Variants in GALNT14 observed in about 807,000 individuals in gnomAD.
GALNT14 encodes the protein UDP-GalNAc:polypeptide N-acetylgalactosaminyltransferase 14.
Under a neutral mutation model 77.5 loss-of-function variants are expected in GALNT14, and 60 were observed. That is an observed-to-expected ratio of 0.77 (90% CI 0.63 to 0.96). The LOEUF (loss-of-function observed/expected upper bound fraction) is 0.96. GALNT14 is among the 40% of genes least tolerant of loss of function. GALNT14 has a pLI of 0.00. For synonymous variants in GALNT14, 280 were observed against 281.7 expected (o/e 0.99, Z 0.06); for missense variants, 710 against 731.0 (o/e 0.97, Z 0.33).
intron 1 of GALNT14, among the ~76,000 whole-genome samples, chr2:31,013,540 A>T (rs553232729): frequency 1.3e-5 from 2 of 152,140 alleles, no homozygotes; most frequent in South Asian, 4.1e-4. Context: ...GCTGAGTCCA[A>T]ATGTGACCAG....
At chr2:30,933,264 C>T (rs1665851816) in intron 9 of GALNT14, among the ~76,000 whole-genome samples, 2 of 152,178 alleles carry the variant, frequency 1.3e-5, no homozygotes, top group Admixed American at 1.3e-4. Context: ...CCCACTGGGC[C>T]TGTCACTGGT....
intron 9 of GALNT14, among the ~76,000 whole-genome samples, chr2:30,940,076 G>T (rs1165619366): frequency 6.6e-6 from 1 of 152,014 alleles, no homozygotes; most frequent in Non-Finnish European, 1.5e-5. Flanking sequence ...TGTTGGGGTG[G>T]GATAAAATGA....
At chr2:31,009,582 G>C (rs1306374340) in intron 1 of GALNT14, among the ~76,000 whole-genome samples, 2 of 152,044 alleles carry the variant, frequency 1.3e-5, no homozygotes, top group Non-Finnish European at 1.5e-5. Context: ...CTGAGCTCCA[G>C]AACAATATCA....
chr2:30,976,117 TA>T lies in GALNT14; in HGVS notation c.300-9816del, dbSNP rs538078677. On this transcript the variant is annotated intron_variant, in intron 2 of 14. Coordinates refer to ENST00000349752, the MANE Select transcript of GALNT14 (RefSeq NM_024572.4). ...GACTACTCTCAGCAAAAAACATAAT[TA>T]CTGAACACAGAAGGCCAGACATCTC... is the stretch of plus-strand genomic sequence containing the variant. Among the ~76,000 whole-genome samples the T allele has an allele frequency of 2.6e-5, 4 of 152,234 alleles. No individual in the cohort carries two copies. The South Asian group carries it at 8.3e-4, about 32-fold the overall frequency.
At chr2:31,039,323 G>C (rs1177092190) in intron 1 of GALNT14, among the ~76,000 whole-genome samples, 1 of 152,170 alleles carries the variant, frequency 6.6e-6, no homozygotes, top group African/African-American at 2.4e-5. Context: ...ATGATAATGA[G>C]CAGCATTTCC....
chr2:30,899,388 G>A, the GALNT14 span, among the ~76,000 whole-genome samples: 1 of 152,186 alleles, frequency 6.6e-6, no homozygotes, highest in African/African-American at 2.4e-5. Context: ...CCATCTCTAG[G>A]GGCACTCACC....
chr2:30,920,765 C>T (rs1346869233), intron 13 of GALNT14, among the ~76,000 whole-genome samples: 9 of 152,104 alleles, frequency 5.9e-5, no homozygotes, highest in Non-Finnish European at 1.0e-4. Flanking sequence ...GGAAATGTAT[C>T]CAAGTCGTGC....
chr2:30,960,308 C>T (rs918385577), intron 3 of GALNT14, among the ~76,000 whole-genome samples: 4 of 152,108 alleles, frequency 2.6e-5, no homozygotes, highest in South Asian at 4.1e-4. Flanking sequence ...GAAGAATAAC[C>T]CCTAATGAGG....
intron 3 of GALNT14, among the ~76,000 whole-genome samples, chr2:30,961,856 GTTTTT>G (rs58789282): frequency 1.4e-5 from 2 of 147,794 alleles, no homozygotes; most frequent in African/African-American, 4.9e-5. Context: ...TAATTTTTTG[GTTTTT>G]TTGTTTTTTT....
intron 1 of GALNT14, among the ~76,000 whole-genome samples, chr2:30,997,657 C>A (rs1453144002): frequency 6.6e-6 from 1 of 152,158 alleles, no homozygotes; most frequent in South Asian, 2.1e-4. Context: ...TATGATGCCA[C>A]AAACAGAAAA....
intron 1 of GALNT14, among the ~76,000 whole-genome samples, chr2:31,036,177 AG>A (rs1273469377): frequency 6.6e-6 from 1 of 152,080 alleles, no homozygotes; most frequent in Non-Finnish European, 1.5e-5. Flanking sequence ...ATTTTGCTTT[AG>A]GTTTCTGTAT....
At position 31,137,978 on chromosome 2, in the gene GALNT14, G is replaced by A. The variant is rs2148657838; in HGVS notation, c.109C>T (p.Pro37Ser). ...TKRKLEVPTG[P>S]EVQTPKPSDA... is the part of the protein sequence containing the mutation. ...CCTACCTTAGGGGTCTGCACTTCAG[G>A]TCCCGTCGGCACCTCCAACTTCCTC... The change falls in exon 1 of 15, where the codon CCT becomes TCT. Residue 37 changes from proline (P) to serine (S), a missense_variant. Transcript: ENST00000349752. 6.2e-7 allele frequency: 1 copy of A among 1,613,532 alleles called. No homozygotes were observed. The highest frequency in any genetic ancestry group is 2.2e-5 in the East Asian group (1 of 44,832).
intron 1 of GALNT14, among the ~76,000 whole-genome samples, chr2:31,019,832 T>C (rs1243767972): frequency 6.6e-6 from 1 of 152,160 alleles, no homozygotes; most frequent in Non-Finnish European, 1.5e-5. Context: ...CACAGGGTCA[T>C]TGCGGGAATT....
chr2:30,984,202 G>A (rs1669158681), intron 2 of GALNT14, among the ~76,000 whole-genome samples: 1 of 152,194 alleles, frequency 6.6e-6, no homozygotes, highest in Admixed American at 6.5e-5. Context: ...ACTCCCCAGT[G>A]GAAGATCCAA....
At chr2:31,085,055 C>T (rs951487394) in intron 1 of GALNT14, among the ~76,000 whole-genome samples, 3 of 151,822 alleles carry the variant, frequency 2.0e-5, no homozygotes, top group South Asian at 2.1e-4. Flanking sequence ...ATGTGTGACA[C>T]GCTTTGCACT....
intron 1 of GALNT14, among the ~76,000 whole-genome samples, chr2:31,007,068 G>C (rs533848677): frequency 6.6e-6 from 1 of 152,164 alleles, no homozygotes; most frequent in Non-Finnish European, 1.5e-5. Flanking sequence ...ACTTTATCTC[G>C]TGGGACTCTG....
intron 1 of GALNT14, among the ~76,000 whole-genome samples, chr2:31,009,116 C>A (rs1041103644): frequency 1.3e-5 from 2 of 152,170 alleles, no homozygotes; most frequent in Non-Finnish European, 2.9e-5. Flanking sequence ...TTCATTATTT[C>A]TTGAGTTCTT....
At chr2:30,970,986 A>C (rs1291450118) in intron 2 of GALNT14, among the ~76,000 whole-genome samples, 1 of 152,036 alleles carries the variant, frequency 6.6e-6, no homozygotes, top group Non-Finnish European at 1.5e-5. Flanking sequence ...TGTGACTCCT[A>C]ATCTGGTGCT....
intron 13 of GALNT14, among the ~76,000 whole-genome samples, chr2:30,915,735 T>C (rs538174838): frequency 1.3e-5 from 2 of 152,262 alleles, no homozygotes; most frequent in Non-Finnish European, 2.9e-5. Context: ...GCCTAGCCCA[T>C]GATGGAGGTC....
Sources: allele counts gnomAD v4.1 joint callset (sites outside exome capture counted in the v4.1 genomes callset), GRCh38; gene constraint gnomAD v4.1.1; transcripts MANE v1.5; gene names NCBI Gene and HGNC (gene_info 2026-07-23, HGNC 2026-07-21).